ROBO1: variants seen among roughly 807,000 people sequenced by gnomAD.
ROBO1 encodes roundabout homolog 1.
ROBO1 carries 149 observed loss-of-function variants against 195.9 expected under a neutral mutation model. The ratio of observed to expected loss-of-function variants is 0.76; its 90% CI spans 0.67 to 0.87. ROBO1 has a LOEUF of 0.87. Among genes scored for constraint, ROBO1 ranks in the 40% least tolerant of loss-of-function variants. ROBO1 has a pLI of 0.00. For missense variants in ROBO1, 1,933 were observed against 2,068.3 expected (o/e 0.93, Z 1.27); for synonymous variants, 816 against 733.2 (o/e 1.11, Z -1.82).
intron 2 of ROBO1, among the ~76,000 whole-genome samples, chr3:79,296,567 T>C (rs983693231): frequency 1.3e-5 from 2 of 152,150 alleles, no homozygotes; most frequent in Non-Finnish European, 2.9e-5. Flanking sequence ...TGAACAGGTT[T>C]TGTGGGATGT....
intron 2 of ROBO1, among the ~76,000 whole-genome samples, chr3:79,418,164 A>G (rs2038082354): frequency 6.6e-6 from 1 of 152,108 alleles, no homozygotes; most frequent in South Asian, 2.1e-4. Context: ...TACTTTCTCT[A>G]AGAAGCTCTG....
chr3:79,541,386 G>A (rs1008285395), intron 2 of ROBO1, among the ~76,000 whole-genome samples: 1 of 151,902 alleles, frequency 6.6e-6, no homozygotes, highest in African/African-American at 2.4e-5. Context: ...GTATTAACAT[G>A]CCCCCCTCCC....
At chr3:79,492,044 G>A (rs1178854548) in intron 2 of ROBO1, among the ~76,000 whole-genome samples, 2 of 152,052 alleles carry the variant, frequency 1.3e-5, no homozygotes, top group Admixed American at 6.5e-5. Flanking sequence ...TTTCACAAGA[G>A]ACAGGCTCTA....
At chr3:79,064,379 C>CT (rs1353576174) in intron 3 of ROBO1, among the ~76,000 whole-genome samples, 2 of 151,876 alleles carry the variant, frequency 1.3e-5, no homozygotes, top group Non-Finnish European at 2.9e-5. Context: ...GTCTCCTGTA[C>CT]TTTTTCCAGC....
At chr3:79,246,097 G>C (rs2082619880) in intron 2 of ROBO1, among the ~76,000 whole-genome samples, 3 of 152,070 alleles carry the variant, frequency 2.0e-5, no homozygotes, top group Non-Finnish European at 2.9e-5. Context: ...TAAAGTTGCT[G>C]ACACTAATTT....
intron 18 of ROBO1, among the ~76,000 whole-genome samples, chr3:78,653,459 A>AG (rs978299921): frequency 2.6e-5 from 4 of 152,148 alleles, no homozygotes; most frequent in Non-Finnish European, 5.9e-5. Context: ...AACTCCCCAA[A>AG]GGAAACCTGC....
intron 2 of ROBO1, among the ~76,000 whole-genome samples, chr3:79,482,075 C>T (rs1443594705): frequency 6.6e-6 from 1 of 152,048 alleles, no homozygotes; most frequent in Non-Finnish European, 1.5e-5. Flanking sequence ...TTCATTTATT[C>T]AAATATGTAT....
At chr3:79,187,332 C>G (rs2081458795) in intron 2 of ROBO1, among the ~76,000 whole-genome samples, 1 of 151,938 alleles carries the variant, frequency 6.6e-6, no homozygotes, top group South Asian at 2.1e-4. Context: ...CTCCAAGTGC[C>G]AAGAGTCTGC....
chr3:79,510,798 C>T (rs1285400991), intron 2 of ROBO1, among the ~76,000 whole-genome samples: 1 of 152,066 alleles, frequency 6.6e-6, no homozygotes, highest in African/African-American at 2.4e-5. Flanking sequence ...TTGGGGGATA[C>T]TGTATTCTGA....
intron 2 of ROBO1, among the ~76,000 whole-genome samples, chr3:79,345,543 C>T (rs766976430): frequency 6.6e-6 from 1 of 152,040 alleles, no homozygotes; most frequent in Non-Finnish European, 1.5e-5. Flanking sequence ...CTGTGTGGTA[C>T]CTGTGAATGG....
intron 1 of ROBO1, among the ~76,000 whole-genome samples, chr3:79,690,850 A>G (rs1947278115): frequency 6.6e-6 from 1 of 151,860 alleles, no homozygotes; most frequent in African/African-American, 2.4e-5. Context: ...AAAATATCCC[A>G]AGTACATATC....
intron 3 of ROBO1, chr3:79,019,352 G>GGCAGAGAGT (rs2078046307): frequency 2.0e-6 from 2 of 985,740 alleles, no homozygotes; most frequent in Admixed American, 6.1e-5. Context: ...GGGCAGAGAG[G>GGCAGAGAGT]ATGCTGCTGC....
At chr3:79,078,698 A>T (rs114672958) in intron 3 of ROBO1, among the ~76,000 whole-genome samples, 98 of 151,928 alleles carry the variant, frequency 6.5e-4, no homozygotes, top group African/African-American at 2.3e-3. Flanking sequence ...ACACTTTTAG[A>T]ACATGTATGG....
intron 3 of ROBO1, among the ~76,000 whole-genome samples, chr3:79,107,238 G>A (rs961739779): frequency 2.7e-5 from 4 of 150,898 alleles, no homozygotes; most frequent in African/African-American, 9.7e-5. Flanking sequence ...TAACAAAATA[G>A]GTGCTACGCA....
At chr3:78,948,111 C>T (rs1008728288) in intron 3 of ROBO1, among the ~76,000 whole-genome samples, 1 of 152,208 alleles carries the variant, frequency 6.6e-6, no homozygotes, top group East Asian at 1.9e-4. Context: ...GGAGCTGGTA[C>T]CATTCCTTCT....
At chr3:79,671,555 G>A (rs570703167) in intron 1 of ROBO1, among the ~76,000 whole-genome samples, 22 of 151,908 alleles carry the variant, frequency 1.4e-4, no homozygotes, top group Middle Eastern at 3.4e-3. Flanking sequence ...TAAAACAATG[G>A]CATTTGTTTT....
In ROBO1 at chr3:78,597,517, TA is replaced by T. The variant is rs1559623772; in HGVS notation, c.*1395del. Reference sequence around the variant, plus strand: ...TTCCACTGGGGTCAGACCTGATACTTATCTATCTATGAATAAATGTACATTT... The same window carrying T: ...TTCCACTGGGGTCAGACCTGATACTTTCTATCTATGAATAAATGTACATTT... On this transcript the variant is annotated 3_prime_UTR_variant, in exon 31 of 31. Transcript: ENST00000464233. 6.6e-6 allele frequency: 1 copy of T among 152,202 alleles called. No homozygotes were observed. Among genetic ancestry groups the T allele is most frequent in the Non-Finnish European group, 1.5e-5 (1 of 67,950 alleles). The allele number at this position is 152,202 out of a possible 1,614,324, so 9.4% of individuals were successfully genotyped here.
intron 4 of ROBO1, among the ~76,000 whole-genome samples, chr3:78,813,896 G>A (rs761519376): frequency 1.2e-4 from 18 of 151,958 alleles, no homozygotes; most frequent in Non-Finnish European, 2.2e-4. Context: ...TAATTACAGG[G>A]ATCTTGTCCT....
At chr3:79,064,944 C>T (rs761311255) in intron 3 of ROBO1, among the ~76,000 whole-genome samples, 1 of 151,936 alleles carries the variant, frequency 6.6e-6, no homozygotes, top group Non-Finnish European at 1.5e-5. Flanking sequence ...GTAAAAATTA[C>T]AGAAAGTGTA....
Sources: gnomAD v4.1 joint callset for allele counts (sites outside exome capture counted in the v4.1 genomes callset) on GRCh38, gnomAD v4.1.1 for gene constraint, MANE v1.5 for transcripts, NCBI Gene and HGNC (gene_info 2026-07-23, HGNC 2026-07-21) for gene names.